The following SORBS3 variants were observed in gnomAD, a reference collection of about 807,000 sequenced individuals.
SORBS3 encodes the protein vinexin.
A neutral mutation model predicts 98.0 loss-of-function variants in SORBS3; 69 were observed. That is an observed-to-expected ratio of 0.70 (90% CI 0.58 to 0.86). The LOEUF (loss-of-function observed/expected upper bound fraction) is 0.86, where lower values mean the gene tolerates loss of function less well. Among genes scored for constraint, SORBS3 ranks in the 40% least tolerant of loss-of-function variants. The pLI is 0.00. For missense variants in SORBS3, 954 were observed against 908.5 expected (o/e 1.05, Z -0.64); for synonymous variants, 394 against 355.4 (o/e 1.11, Z -1.22).
At chr8:22,566,189 G>T in intron 12 of SORBS3, 156 bp from the exon 13 acceptor site, 1 of 1,005,290 alleles carries the variant, frequency 9.9e-7, no homozygotes. Flanking sequence ...GCAGCGACTC[G>T]GGAAGTAGGA....
At chr8:22,569,365 G>C in intron 17 of SORBS3, 92 bp downstream of exon 17, 7 of 1,125,330 alleles carry the variant, frequency 6.2e-6, no homozygotes, top group Non-Finnish European at 7.2e-6. Context: ...TTTTGAGACA[G>C]AGTCTCACTC....
chr8:22,552,241 G>A (rs892544925), intron 1 of SORBS3, among the ~76,000 whole-genome samples: 1 of 152,282 alleles, frequency 6.6e-6, no homozygotes, highest in East Asian at 1.9e-4. Context: ...AGCTCTTAGG[G>A]CCAGGCACCC....
At position 22,554,922 on chromosome 8, in the gene SORBS3, G is replaced by A. The variant is rs145395825; in HGVS notation, c.162G>A (p.Ala54=). ...TTAATTTCCAGTTCCACGACCCCGC[G>A]CCCAGGACTGTGTGCAATGGGGGCT... ...NTLNFQFHDP[A]PRTVCNGGYT... is the part of the protein sequence containing the mutation. The change falls in exon 3 of 21, where the codon GCG becomes GCA. Residue 54 remains alanine (A), a synonymous_variant. Transcript: ENST00000240123. The surrounding 1 kb of genome is among the most constrained non-coding windows in gnomAD (Gnocchi z 6.5). 133 of 1,613,340 alleles carry A rather than the reference G, an allele frequency of 8.2e-5. No homozygotes were observed. Among genetic ancestry groups the A allele is most frequent in the Admixed American group, 1.2e-4 (7 of 59,986 alleles).
chr8:22,566,230 C>A (rs1840415315), intron 12 of SORBS3, 115 bp from the exon 13 acceptor site: 7 of 1,341,590 alleles, frequency 5.2e-6, no homozygotes, highest in Middle Eastern at 2.1e-4. Context: ...ACCCGGGAGA[C>A]GCCCTGGGAG....
At chr8:22,561,810 G>T (rs1044878713) in intron 6 of SORBS3, 55 bp from the exon 7 acceptor site, 3 of 1,504,980 alleles carry the variant, frequency 2.0e-6, no homozygotes, top group Non-Finnish European at 2.8e-6. Flanking sequence ...CTCAGCCCCA[G>T]TCACGGCCTG....
In SORBS3 at chr8:22,565,867, G is replaced by C; in HGVS notation, c.945G>C (p.Pro315=). Residue 315 remains proline, a synonymous_variant, in exon 12 of 21, where the codon CCG becomes CCC. Transcript: ENST00000240123. ...APRRAPEQRP[P]AGPASAWSSS... ...GACGGGCCCCGGAGCAGCGGCCCCCGGCCGGGTGAGTGGGAGACGCGGGAG... is the reference window on the plus strand; with the variant it reads ...GACGGGCCCCGGAGCAGCGGCCCCCCGCCGGGTGAGTGGGAGACGCGGGAG... 2 of 1,265,938 alleles carry C rather than the reference G, an allele frequency of 1.6e-6. No individual in the cohort carries two copies. Among genetic ancestry groups the C allele is most frequent in the Non-Finnish European group, 2.0e-6 (2 of 1,006,384 alleles). The allele number at this position is 1,265,938 out of a possible 1,614,324, so 78.4% of individuals were successfully genotyped here. A position where few individuals can be genotyped will look rare whatever the true frequency, so the allele number is the denominator to read the frequency against.
At chr8:22,572,765 G>T (rs559305481) in intron 20 of SORBS3, among the ~76,000 whole-genome samples, 1 of 152,144 alleles carries the variant, frequency 6.6e-6, no homozygotes, top group Admixed American at 6.5e-5. Context: ...CCCCTGCCTC[G>T]AGCAGCCCTG....
chr8:22,554,289 C>G lies in SORBS3; in HGVS notation c.-55-163C>G. ...CCGGCAGGCACGGGCAGCCTGCAGG[C>G]GGGTGCCTGGCGTGGCCTGTTTCCT... On this transcript the variant is annotated intron_variant, in intron 1 of 20. Transcript: ENST00000240123. This position sits in a 1 kb window ranked among gnomAD's most constrained non-coding sequence, Gnocchi z 6.5. 1 of 616,530 alleles carries G rather than the reference C, an allele frequency of 1.6e-6. No individual in the cohort carries two copies. The highest frequency in any genetic ancestry group is 2.5e-5 in the South Asian group (1 of 40,052). The allele number at this position is 616,530 out of a possible 1,614,324, so 38.2% of individuals were successfully genotyped here.
chr8:22,572,022 A>G (rs1311654912), intron 19 of SORBS3, among the ~76,000 whole-genome samples: 1 of 152,148 alleles, frequency 6.6e-6, no homozygotes, highest in East Asian at 1.9e-4. Context: ...CCTGGCAGCT[A>G]TGTGGCCTTG....
chr8:22,559,106 G>A (rs1039637145), intron 5 of SORBS3, among the ~76,000 whole-genome samples: 1 of 152,184 alleles, frequency 6.6e-6, no homozygotes, highest in African/African-American at 2.4e-5. Context: ...TGGCTGAAAA[G>A]ATTGTGCCTG....
intron 7 of SORBS3, 42 bp downstream of exon 7, chr8:22,561,973 G>A: frequency 6.3e-7 from 1 of 1,588,064 alleles, no homozygotes; most frequent in Non-Finnish European, 8.6e-7. Flanking sequence ...GGAGGGGCGC[G>A]GCCCGCGAGA....
upstream of SORBS3, among the ~76,000 whole-genome samples, chr8:22,548,403 T>A (rs541500551): frequency 9.2e-5 from 14 of 152,282 alleles, no homozygotes; most frequent in Non-Finnish European, 1.6e-4. Flanking sequence ...TGTGACTTGG[T>A]TTCAATTCCT....
chr8:22,574,686 G>C lies in SORBS3; in HGVS notation c.1974G>C (p.Gln658His). The C allele has an allele frequency of 6.2e-7, 1 of 1,612,058 alleles. No individual in the cohort carries two copies. The highest frequency in any genetic ancestry group is 8.5e-7 in the Non-Finnish European group (1 of 1,179,034). Residue 658 changes from glutamine (Q) to histidine (H), a missense_variant, in exon 21 of 21, where the codon CAG (glutamine) becomes CAC (histidine). Physicochemically the swap from Gln to His is conservative, Grantham distance 24. Coordinates refer to ENST00000240123, the MANE Select transcript of SORBS3 (RefSeq NM_005775.5). ...GWFVGVSRRTQKFGTFPGNYV... is the reference protein window; with the variant it reads ...GWFVGVSRRTHKFGTFPGNYV... ...TTTCAGGTGTCTCCCGGAGGACCCAGAAATTCGGAACGTTCCCTGGAAATT... is the reference window on the plus strand; with the variant it reads ...TTTCAGGTGTCTCCCGGAGGACCCACAAATTCGGAACGTTCCCTGGAAATT...
In SORBS3 at chr8:22,571,933, C is replaced by T. The variant is rs1840598209; in HGVS notation, c.1847+112C>T. On this transcript the variant is annotated intron_variant, in intron 19 of 20. Transcript: ENST00000240123. ...ACCTGTGGATTTGGGAAACTTCTAC[C>T]AGGTAGCCCTTGTCCTCGAAGAGCT... is the stretch of plus-strand genomic sequence containing the variant. The T allele has an allele frequency of 1.5e-5, 12 of 775,696 alleles. No individual in the cohort carries two copies. The South Asian group carries it at 1.9e-4, about 12-fold the overall frequency. The allele number at this position is 775,696 out of a possible 1,614,324, so 48.1% of individuals were successfully genotyped here.
intron 3 of SORBS3, among the ~76,000 whole-genome samples, chr8:22,555,489 G>A (rs1840166799): frequency 6.6e-6 from 1 of 152,224 alleles, no homozygotes; most frequent in Non-Finnish European, 1.5e-5. Context: ...CCTAAGACAG[G>A]TGCTGTGTAA....
Position 22,569,199 on chromosome 8 carries a change from G to A in SORBS3, c.1357G>A (p.Val453Met). 2 of 1,611,422 alleles carry A rather than the reference G, an allele frequency of 1.2e-6. No homozygotes were observed. Among genetic ancestry groups the A allele is most frequent in the Non-Finnish European group, 1.7e-6 (2 of 1,178,798 alleles). ...GCCCATCAAGCCCCCGACCTACCAG[G>A]TGCTGGAGTATGGAGAGGCTGTGGC... ...PKPIKPPTYQ[V>M]LEYGEAVAQY... The change falls in exon 17 of 21, where the codon GTG (valine) becomes ATG (methionine). Residue 453 changes from valine to methionine, a missense_variant. Physicochemically the swap from Val to Met is conservative, Grantham distance 21. Coordinates refer to ENST00000240123, the MANE Select transcript of SORBS3 (RefSeq NM_005775.5).
chr8:22,566,727 C>G lies in SORBS3; in HGVS notation c.1143+14C>G, dbSNP rs935200910. On this transcript the variant is annotated intron_variant, in intron 14 of 20. Transcript: ENST00000240123. The stretch of plus-strand genomic sequence containing the variant: ...GAAGAGAAGAAGGTAAGGAGGGGAC[C>G]AGGTGTGGGGGACCTGGAGTGGTCC... 2.5e-6 allele frequency: 4 copies of G among 1,613,418 alleles called. No homozygotes were observed. The highest frequency in any genetic ancestry group is 3.4e-6 in the Non-Finnish European group (4 of 1,179,758).
At position 22,554,470 on chromosome 8, in the gene SORBS3, G is replaced by A; in HGVS notation, c.-37G>A. 6.3e-7 allele frequency: 1 copy of A among 1,597,952 alleles called. No homozygotes were observed. On this transcript the variant is annotated 5_prime_UTR_variant, in exon 2 of 21. Coordinates refer to ENST00000240123, the MANE Select transcript of SORBS3 (RefSeq NM_005775.5). This position sits in a 1 kb window ranked among gnomAD's most constrained non-coding sequence, Gnocchi z 6.5. ...CCCACAGAGGACACGCAGAGGAGCAGCTGGCTTGCCCGGAGTCCTCCCACC... is the reference window on the plus strand; with the variant it reads ...CCCACAGAGGACACGCAGAGGAGCAACTGGCTTGCCCGGAGTCCTCCCACC...
At chr8:22,556,579 G>A in intron 3 of SORBS3, 136 bp from the exon 4 acceptor site, 1 of 726,676 alleles carries the variant, frequency 1.4e-6, no homozygotes. Context: ...GGTGCTCTGA[G>A]TCATCCACTC....
Sources: gnomAD v4.1 joint callset for allele counts (sites outside exome capture counted in the v4.1 genomes callset) on GRCh38, gnomAD v4.1.1 for gene constraint, Gnocchi (gnomAD v3.1) non-coding constraint, MANE v1.5 for transcripts, NCBI Gene and HGNC (gene_info 2026-07-23, HGNC 2026-07-21) for gene names.